Variants in UBN2 observed in about 807,000 individuals in gnomAD.
UBN2 encodes the protein ubinuclein-2.
UBN2 carries 35 observed loss-of-function variants against 120.2 expected under a neutral mutation model. The observed-to-expected ratio is 0.29, with a 90% CI of 0.22 to 0.39. UBN2 has a LOEUF of 0.39. Among genes scored for constraint, UBN2 ranks in the 10% least tolerant of loss-of-function variants. UBN2 has a pLI of 1.00. For synonymous variants in UBN2, 661 were observed against 648.7 expected, an observed-to-expected ratio of 1.02 and a Z score of -0.29; for missense variants, 1,693 against 1,663.2, an observed-to-expected ratio of 1.02 and a Z score of -0.31.
In UBN2 at chr7:139,231,391, GC is replaced by G; in HGVS notation, c.-93del. The stretch of plus-strand genomic sequence containing the variant: ...GCTGAGGGTGGTGGAGGGAAGAAAA[GC>G]GACAGAGAGCAAGAGGAAGGGCGGG... On this transcript the variant is annotated 5_prime_UTR_variant, in exon 1 of 18. The change creates a premature stop within an existing upstream ORF in the 5' untranslated region. Transcript: ENST00000473989. 4.6e-6 allele frequency: 5 copies of G among 1,080,318 alleles called. No individual in the cohort carries two copies. Among genetic ancestry groups the G allele is most frequent in the Non-Finnish European group, 5.9e-6 (5 of 844,502 alleles). 66.9% of individuals were successfully genotyped at this position (1,080,318 alleles called of 1,614,324 possible).
At chr7:139,309,867 CATATGTGTGTACAT>C (rs2131102127), downstream of UBN2, among the ~76,000 whole-genome samples, 2 of 152,228 alleles carry the variant, frequency 1.3e-5, no homozygotes, top group East Asian at 3.9e-4. Flanking sequence ...AGTGTAAATA[CATATGTGTGTACAT>C]ACATGCATTA....
intron 6 of UBN2, 93 bp downstream of exon 6, chr7:139,261,834 G>C: frequency 7.8e-7 from 1 of 1,277,820 alleles, no homozygotes; most frequent in East Asian, 2.5e-5. Flanking sequence ...CATAACACTG[G>C]TATAATTGCT....
chr7:139,278,776 A>G (rs1330509309), intron 12 of UBN2, among the ~76,000 whole-genome samples: 1 of 152,204 alleles, frequency 6.6e-6, no homozygotes, highest in African/African-American at 2.4e-5. Context: ...TTCAACAAAC[A>G]TTTGAATACT....
At chr7:139,278,047 A>C (rs780485979) in intron 12 of UBN2, among the ~76,000 whole-genome samples, 25 of 152,300 alleles carry the variant, frequency 1.6e-4, no homozygotes, top group Middle Eastern at 3.4e-3. Flanking sequence ...AAACCGTGGA[A>C]ATTGAAAACT....
At chr7:139,293,493 T>C (rs1427575477) in intron 16 of UBN2, 30 bp downstream of exon 16, 3 of 1,594,272 alleles carry the variant, frequency 1.9e-6, no homozygotes, top group Non-Finnish European at 2.6e-6. Flanking sequence ...TTGGTTGGGC[T>C]GTCTAGCTTG....
At chr7:139,258,416 A>C in intron 3 of UBN2, 72 bp from the exon 4 acceptor site, 1 of 1,246,760 alleles carries the variant, frequency 8.0e-7, no homozygotes, top group African/African-American at 1.5e-5. Flanking sequence ...GCCATGGTGG[A>C]TGAATTTCTT....
chr7:139,274,581 G>A (rs952816191), intron 11 of UBN2, among the ~76,000 whole-genome samples: 2 of 151,924 alleles, frequency 1.3e-5, no homozygotes, highest in Non-Finnish European at 2.9e-5. Context: ...TGACCAACAT[G>A]AAGAAACCTT....
intron 15 of UBN2, among the ~76,000 whole-genome samples, chr7:139,287,962 T>TA (rs1797839642): frequency 6.6e-6 from 1 of 152,214 alleles, no homozygotes; most frequent in Non-Finnish European, 1.5e-5. Context: ...TGGCAAAAGT[T>TA]AAACTCCTTC....
Position 139,305,012 on chromosome 7 carries a change from ACTAT to A in UBN2, c.*7180_*7183del, listed in dbSNP as rs1359732843. 3 of 152,104 alleles carry A rather than the reference ACTAT, an allele frequency of 2.0e-5. No homozygotes were observed. The highest frequency in any genetic ancestry group is 2.9e-5 in the Non-Finnish European group (2 of 68,014). 9.4% of individuals were successfully genotyped at this position (152,104 alleles called of 1,614,324 possible). On this transcript the variant is annotated 3_prime_UTR_variant, in exon 18 of 18. Transcript: ENST00000473989. Reference sequence around the variant, plus strand: ...TAAAATGTGAACTCTGTATTCAAAAACTATCTACAGATGCTTTCACTGGTGCAAA... The same window carrying A: ...TAAAATGTGAACTCTGTATTCAAAAACTACAGATGCTTTCACTGGTGCAAA...
At chr7:139,293,498 A>T in intron 16 of UBN2, 35 bp downstream of exon 16, 1 of 1,575,030 alleles carries the variant, frequency 6.3e-7, no homozygotes, top group Non-Finnish European at 8.7e-7. Flanking sequence ...TGGGCTGTCT[A>T]GCTTGACAGA....
chr7:139,232,310 C>T (rs1796047568), intron 1 of UBN2, among the ~76,000 whole-genome samples: 1 of 152,244 alleles, frequency 6.6e-6, no homozygotes, highest in South Asian at 2.1e-4. Flanking sequence ...TGGGTTCTCC[C>T]TGTGGCGCTA....
the UBN2 span, among the ~76,000 whole-genome samples, chr7:139,329,467 G>A: frequency 6.6e-6 from 1 of 152,068 alleles, no homozygotes. Flanking sequence ...CCCAGCCACT[G>A]GTGTTTTTGA....
Position 139,272,302 on chromosome 7 carries a change from T to C in UBN2, c.1597-20T>C. 6.4e-7 allele frequency: 1 copy of C among 1,567,864 alleles called. No homozygotes were observed. The highest frequency in any genetic ancestry group is 1.2e-5 in the South Asian group (1 of 86,880). On this transcript the variant is annotated intron_variant, in intron 8 of 17. Transcript: ENST00000473989. Reference sequence around the variant, plus strand: ...CGTAAATATGTCTGATAAAAACTTCTAGTATGTTTTTCTTTTTAGGATGAT... The same window carrying C: ...CGTAAATATGTCTGATAAAAACTTCCAGTATGTTTTTCTTTTTAGGATGAT...
the UBN2 span, among the ~76,000 whole-genome samples, chr7:139,316,940 T>C: frequency 1.3e-5 from 2 of 151,896 alleles, no homozygotes; most frequent in Non-Finnish European, 2.9e-5. Context: ...TAAATTTCTT[T>C]TTTTTTTCTT....
chr7:139,283,968 G>A lies in UBN2; in HGVS notation c.3063G>A (p.Gln1021=). The change falls in exon 15 of 18, where the codon CAG becomes CAA. Residue 1021 remains glutamine, a synonymous_variant. Coordinates refer to ENST00000473989, the MANE Select transcript of UBN2 (RefSeq NM_173569.4). The stretch of plus-strand genomic sequence containing the variant: ...ATTTAGCCAAGGCTATGGTGTCACA[G>A]ATCTCCACGCAGGGTTTCAAATCTC... ...SNYLAKAMVS[Q]ISTQGFKSPF... 1 of 1,613,950 alleles carries A rather than the reference G, an allele frequency of 6.2e-7. No homozygotes were observed. The highest frequency in any genetic ancestry group is 1.1e-5 in the South Asian group (1 of 91,064).
At chr7:139,285,867 C>T (rs902168780) in intron 15 of UBN2, among the ~76,000 whole-genome samples, 61 of 152,132 alleles carry the variant, frequency 4.0e-4, no homozygotes, top group African/African-American at 1.3e-3. Context: ...CTTAGGCTCC[C>T]GAGTAGCTGG....
chr7:139,286,435 C>G (rs1413131179), intron 15 of UBN2, among the ~76,000 whole-genome samples: 1 of 152,114 alleles, frequency 6.6e-6, no homozygotes, highest in African/African-American at 2.4e-5. Context: ...TCTTTGTATT[C>G]TGACACTTTC....
intron 2 of UBN2, 51 bp from the exon 3 acceptor site, chr7:139,251,905 T>G: frequency 6.4e-7 from 1 of 1,556,430 alleles, no homozygotes; most frequent in African/African-American, 1.4e-5. Context: ...TTTTAAACTT[T>G]ATGGAAACAG....
chr7:139,240,758 T>C (rs1248651892), intron 2 of UBN2, among the ~76,000 whole-genome samples: 1 of 152,218 alleles, frequency 6.6e-6, no homozygotes, highest in Non-Finnish European at 1.5e-5. Context: ...TTTCCTGTTA[T>C]GTTGTTCTTA....
Sources: allele counts gnomAD v4.1 joint callset (sites outside exome capture counted in the v4.1 genomes callset), GRCh38; gene constraint gnomAD v4.1.1; transcripts MANE v1.5; gene names NCBI Gene and HGNC (gene_info 2026-07-23, HGNC 2026-07-21).